IPCEF1: variants seen among roughly 807,000 people sequenced by gnomAD.
IPCEF1 encodes the protein interactor protein for cytohesin exchange factors 1.
Under a neutral mutation model 50.9 loss-of-function variants are expected in IPCEF1, and 31 were observed. The ratio of observed to expected loss-of-function variants is 0.61; its 90% CI spans 0.46 to 0.82. IPCEF1 has a LOEUF of 0.82. IPCEF1 is among the 40% of genes least tolerant of loss of function. IPCEF1 has a pLI of 0.00. For missense variants in IPCEF1, 458 were observed against 514.0 expected, an observed-to-expected ratio of 0.89 and a Z score of 1.05; for synonymous variants, 181 against 192.0, an observed-to-expected ratio of 0.94 and a Z score of 0.47.
At chr6:154,323,851 G>C (rs1422533945) in intron 1 of IPCEF1, among the ~76,000 whole-genome samples, 2 of 152,210 alleles carry the variant, frequency 1.3e-5, no homozygotes, top group Admixed American at 6.5e-5. Context: ...TGCTCGGGAG[G>C]CTGAGGCAAG....
At chr6:154,311,116 C>A (rs1270428236) in intron 1 of IPCEF1, among the ~76,000 whole-genome samples, 1 of 151,972 alleles carries the variant, frequency 6.6e-6, no homozygotes, top group Non-Finnish European at 1.5e-5. Context: ...CATTGTAACC[C>A]ATAAATATGC....
intron 1 of IPCEF1, among the ~76,000 whole-genome samples, chr6:154,336,820 T>C (rs1426665788): frequency 6.6e-6 from 1 of 152,146 alleles, no homozygotes; most frequent in Admixed American, 6.6e-5. Flanking sequence ...TTGAGGCTGG[T>C]CTTGATCTCC....
At chr6:154,334,151 T>C (rs1783739735) in intron 1 of IPCEF1, among the ~76,000 whole-genome samples, 2 of 152,222 alleles carry the variant, frequency 1.3e-5, no homozygotes, top group South Asian at 4.1e-4. Context: ...CAGTTCACCC[T>C]TAGTTGGAAG....
chr6:154,302,807 A>G (rs914481808), intron 1 of IPCEF1, among the ~76,000 whole-genome samples: 42 of 152,258 alleles, frequency 2.8e-4, no homozygotes, highest in African/African-American at 1.0e-3. Flanking sequence ...AAAAGTGACT[A>G]TAACTTAGGA....
At chr6:154,183,555 C>T (rs1475202642) in intron 10 of IPCEF1, among the ~76,000 whole-genome samples, 1 of 152,044 alleles carries the variant, frequency 6.6e-6, no homozygotes, top group East Asian at 1.9e-4. Flanking sequence ...CTATAGAATA[C>T]CAAAGGATGC....
intron 2 of IPCEF1, among the ~76,000 whole-genome samples, chr6:154,280,478 C>G (rs182146681): frequency 3.0e-4 from 46 of 152,252 alleles, no homozygotes; most frequent in Middle Eastern, 3.4e-3. Flanking sequence ...AATTGTGGTA[C>G]AGTCATTACA....
At chr6:154,241,234 CAAAAAAAAAAAA>C (rs11308882) in intron 5 of IPCEF1, among the ~76,000 whole-genome samples, 1 of 79,234 alleles carries the variant, frequency 1.3e-5, no homozygotes, top group Non-Finnish European at 2.5e-5. Context: ...GACTCCATCT[CAAAAAAAAAAAA>C]AAAAAAAAGA....
intron 1 of IPCEF1, among the ~76,000 whole-genome samples, chr6:154,309,755 C>T (rs189747977): frequency 1.7e-3 from 256 of 146,516 alleles, no homozygotes; most frequent in African/African-American, 5.9e-3. Flanking sequence ...AGTCACTCTG[C>T]TTTTCTTTTC....
At chr6:154,160,201 A>C (rs895222051) in intron 11 of IPCEF1, among the ~76,000 whole-genome samples, 161 bp from the exon 12 acceptor site, 3 of 152,230 alleles carry the variant, frequency 2.0e-5, no homozygotes, top group Non-Finnish European at 4.4e-5. Flanking sequence ...AAGAAATACG[A>C]CATTTGTTTG....
chr6:154,213,777 A>G (rs1237684431), intron 8 of IPCEF1, among the ~76,000 whole-genome samples: 1 of 152,192 alleles, frequency 6.6e-6, no homozygotes, highest in African/African-American at 2.4e-5. Context: ...GTGTCCCAGT[A>G]TGACCTTCAG....
chr6:154,329,915 C>T (rs1404951760), intron 1 of IPCEF1: 1 of 152,362 alleles, frequency 6.6e-6, no homozygotes, highest in African/African-American at 2.4e-5. Context: ...CTTCAGCAAA[C>T]TCCAAAGTAC....
chr6:154,303,565 G>A (rs1782854198), intron 1 of IPCEF1, among the ~76,000 whole-genome samples: 2 of 152,110 alleles, frequency 1.3e-5, no homozygotes, highest in African/African-American at 2.4e-5. Context: ...GTTTTGAAGA[G>A]AACTAACACA....
intron 2 of IPCEF1, among the ~76,000 whole-genome samples, chr6:154,276,445 C>T (rs949347402): frequency 6.6e-6 from 1 of 152,164 alleles, no homozygotes; most frequent in Non-Finnish European, 1.5e-5. Context: ...GTGAGGGCTG[C>T]TTTGCCCAGA....
At chr6:154,223,921 T>C (rs948325326) in intron 5 of IPCEF1, among the ~76,000 whole-genome samples, 2 of 152,242 alleles carry the variant, frequency 1.3e-5, no homozygotes, top group Admixed American at 1.3e-4. Flanking sequence ...ATTATATTTA[T>C]GAGGACGTAG....
chr6:154,161,095 G>A (rs114416398), intron 11 of IPCEF1, among the ~76,000 whole-genome samples: 79 of 152,260 alleles, frequency 5.2e-4, no homozygotes, highest in African/African-American at 1.6e-3. Flanking sequence ...CCTCCGTGTT[G>A]TTGTGCCACA....
At chr6:154,188,755 T>C (rs1382197199) in intron 10 of IPCEF1, among the ~76,000 whole-genome samples, 1 of 152,238 alleles carries the variant, frequency 6.6e-6, no homozygotes, top group African/African-American at 2.4e-5. Context: ...CTCATGTGGA[T>C]GTTTGGGAGA....
chr6:154,163,235 C>A (rs1332103919), intron 11 of IPCEF1, among the ~76,000 whole-genome samples: 4 of 152,212 alleles, frequency 2.6e-5, no homozygotes. Context: ...CATGCTCCAT[C>A]CCCACTACAT....
intron 1 of IPCEF1, among the ~76,000 whole-genome samples, chr6:154,319,952 G>T (rs998923694): frequency 2.0e-5 from 3 of 152,170 alleles, no homozygotes; most frequent in Admixed American, 2.0e-4. Flanking sequence ...CCGCCATCTA[G>T]TTAAGGAGGC....
At chr6:154,266,560 C>CTATA (rs34187257) in intron 2 of IPCEF1, among the ~76,000 whole-genome samples, 16,983 of 134,498 alleles carry the variant, frequency 0.13, 1,110 homozygotes, top group East Asian at 0.29. Context: ...CTTAATATTA[C>CTATA]TATATATATA....
Sources: allele counts gnomAD v4.1 joint callset (sites outside exome capture counted in the v4.1 genomes callset), GRCh38; gene constraint gnomAD v4.1.1; transcripts MANE v1.5; gene names NCBI Gene and HGNC (gene_info 2026-07-23, HGNC 2026-07-21).